SNX2: variants seen among roughly 807,000 people sequenced by gnomAD.
SNX2 encodes sorting nexin-2.
SNX2 carries 25 observed loss-of-function variants against 69.9 expected under a neutral mutation model. The observed-to-expected ratio is 0.36, with a 90% confidence interval of 0.26 to 0.50. SNX2 has a LOEUF of 0.50. Ranked by LOEUF, SNX2 falls within the 20% of genes least tolerant of loss-of-function variation. The pLI is 0.97. For missense variants in SNX2, 551 were observed against 613.3 expected (o/e 0.90, Z 1.07); for synonymous variants, 229 against 200.4 (o/e 1.14, Z -1.20).
chr5:122,803,442 A>G, intron 5 of SNX2, 30 bp from the exon 6 acceptor site: 1 of 1,577,964 alleles, frequency 6.3e-7, no homozygotes, highest in Non-Finnish European at 8.6e-7. Context: ...TTGCTATTCA[A>G]AATTTGAAAC....
chr5:122,798,916 T>A (rs1477838101), intron 2 of SNX2, among the ~76,000 whole-genome samples: 1 of 152,176 alleles, frequency 6.6e-6, no homozygotes, highest in Admixed American at 6.6e-5. Context: ...GCCTGGGTAT[T>A]ATTTAAGTCT....
chr5:122,784,967 A>C (rs1753050603), intron 1 of SNX2, among the ~76,000 whole-genome samples: 1 of 152,204 alleles, frequency 6.6e-6, no homozygotes, highest in South Asian at 2.1e-4. Flanking sequence ...GAATTTATCC[A>C]TTCAGTCTCA....
At chr5:122,819,713 G>A (rs1316499421) in intron 11 of SNX2, among the ~76,000 whole-genome samples, 1 of 152,122 alleles carries the variant, frequency 6.6e-6, no homozygotes, top group Non-Finnish European at 1.5e-5. Context: ...TTTTGTTATG[G>A]ATATTAGTTA....
chr5:122,803,656 TA>T (rs1753564706), intron 6 of SNX2, 43 bp downstream of exon 6: 1 of 1,485,950 alleles, frequency 6.7e-7, no homozygotes, highest in Admixed American at 1.9e-5. Context: ...TTACTGTTAC[TA>T]GTTCAGTTTT....
In SNX2 at chr5:122,830,320, C is replaced by T. The variant is rs943548141; in HGVS notation, c.*672C>T. ...CAAAGAACATTTGACTCTTGATTGT[C>T]TTGGGTAAAGAAGAGAATAATTGTC... is the stretch of plus-strand genomic sequence containing the variant. On this transcript the variant is annotated 3_prime_UTR_variant, in exon 15 of 15. Coordinates refer to ENST00000379516, the MANE Select transcript of SNX2 (RefSeq NM_003100.4). Among the ~76,000 whole-genome samples, 2 of 152,072 alleles carry T rather than the reference C, an allele frequency of 1.3e-5. No homozygotes were observed. The highest frequency in any genetic ancestry group is 4.8e-5 in the African/African-American group (2 of 41,396).
At chr5:122,815,992 G>A in intron 8 of SNX2, 21 bp downstream of exon 8, 2 of 1,337,452 alleles carry the variant, frequency 1.5e-6, no homozygotes, top group East Asian at 2.3e-5. Flanking sequence ...TATATTAAAT[G>A]TTTGTATATG....
rs144586127 is a variant in SNX2, at chr5:122,826,036, T to G, written c.1213-14T>G. 295 of 1,609,252 alleles carry G rather than the reference T, an allele frequency of 1.8e-4. No homozygotes were observed. The African/African-American group carries it at 3.6e-3, about 20-fold the overall frequency. On this transcript the variant is annotated splice_polypyrimidine_tract_variant and intron_variant, in intron 11 of 14. Transcript: ENST00000379516. ...GTTACTCTTACTTAATAGCATTATGTCATTCACTTATAGGGTGTGTTTGAC... is the reference window on the plus strand; with the variant it reads ...GTTACTCTTACTTAATAGCATTATGGCATTCACTTATAGGGTGTGTTTGAC...
intron 7 of SNX2, among the ~76,000 whole-genome samples, chr5:122,810,131 C>G (rs1218246356): frequency 2.0e-5 from 3 of 150,358 alleles, no homozygotes; most frequent in African/African-American, 7.4e-5. Flanking sequence ...GAAACATGTG[C>G]TGTGTCCACT....
chr5:122,817,825 A>G (rs1042672767), intron 10 of SNX2, among the ~76,000 whole-genome samples: 5 of 152,144 alleles, frequency 3.3e-5, no homozygotes, highest in Admixed American at 1.3e-4. Flanking sequence ...TATTTCCTGT[A>G]AAACCCTTTG....
At chr5:122,821,781 A>G (rs1754031902) in intron 11 of SNX2, among the ~76,000 whole-genome samples, 1 of 152,050 alleles carries the variant, frequency 6.6e-6, no homozygotes, top group Non-Finnish European at 1.5e-5. Flanking sequence ...ATGGTTGTAT[A>G]GCATTCCATC....
In SNX2 at chr5:122,832,764, A is replaced by C. The variant is rs946461962; in HGVS notation, c.*3116A>C. The stretch of plus-strand genomic sequence containing the variant: ...CTCTTAATTTTAATGTCTTAAGGGA[A>C]TTATAGAGACTTCCATTATTCTGCC... On this transcript the variant is annotated 3_prime_UTR_variant, in exon 15 of 15. Coordinates refer to ENST00000379516, the MANE Select transcript of SNX2 (RefSeq NM_003100.4). The C allele has an allele frequency of 2.0e-5, 3 of 152,224 alleles. No homozygotes were observed. The highest frequency in any genetic ancestry group is 7.2e-5 in the African/African-American group (3 of 41,472). 9.4% of individuals were successfully genotyped at this position (152,224 alleles called of 1,614,324 possible). A position where few individuals can be genotyped will look rare whatever the true frequency, so the allele number is the denominator to read the frequency against.
At chr5:122,785,608 A>G (rs1561442442) in intron 1 of SNX2, among the ~76,000 whole-genome samples, 1 of 152,156 alleles carries the variant, frequency 6.6e-6, no homozygotes, top group Non-Finnish European at 1.5e-5. Flanking sequence ...ATTTAAAATA[A>G]TTTCTAGTTT....
rs781496329 is a variant in SNX2 at position 122,827,659 on chromosome 5, T to A, written c.1509+13T>A. ...AACACAACAACAGGTAAGCCATTTT[T>A]GTTTATAACTTAAACTTCTAGAATT... On this transcript the variant is annotated intron_variant, in intron 14 of 14. Coordinates refer to ENST00000379516, the MANE Select transcript of SNX2 (RefSeq NM_003100.4). The A allele has an allele frequency of 6.3e-7, 1 of 1,583,604 alleles. No homozygotes were observed. The highest frequency in any genetic ancestry group is 8.7e-7 in the Non-Finnish European group (1 of 1,155,930).
intron 1 of SNX2, among the ~76,000 whole-genome samples, chr5:122,787,843 A>G (rs1581625699): frequency 6.6e-6 from 1 of 152,258 alleles, no homozygotes; most frequent in Non-Finnish European, 1.5e-5. Context: ...AGTTATGATA[A>G]GAATACATTA....
At chr5:122,820,247 A>G (rs1753990592) in intron 11 of SNX2, among the ~76,000 whole-genome samples, 1 of 152,138 alleles carries the variant, frequency 6.6e-6, no homozygotes, top group South Asian at 2.1e-4. Context: ...CTGTAAGAAT[A>G]CATATCTGGG....
At chr5:122,789,734 CTGT>C (rs1753184769) in intron 1 of SNX2, among the ~76,000 whole-genome samples, 1 of 152,234 alleles carries the variant, frequency 6.6e-6, no homozygotes, top group Admixed American at 6.5e-5. Flanking sequence ...TTAGCTGTCT[CTGT>C]CTCTATACCA....
chr5:122,786,293 G>A (rs1261154447), intron 1 of SNX2, among the ~76,000 whole-genome samples: 3 of 151,924 alleles, frequency 2.0e-5, no homozygotes, highest in African/African-American at 7.3e-5. Flanking sequence ...TTTATATCCA[G>A]TCTAGCCATC....
chr5:122,827,826 T>C (rs1400258459), intron 14 of SNX2, 180 bp downstream of exon 14: 2 of 558,842 alleles, frequency 3.6e-6, no homozygotes, highest in Non-Finnish European at 6.3e-6. Flanking sequence ...CACGTGTTTT[T>C]TTTTTTTTTG....
rs990342184 is a variant in SNX2 at position 122,830,065 on chromosome 5, T to C, written c.*417T>C. The C allele has an allele frequency of 1.3e-5, 2 of 155,648 alleles. No individual in the cohort carries two copies. Among genetic ancestry groups the C allele is most frequent in the African/African-American group, 4.8e-5 (2 of 41,546 alleles). The allele number at this position is 155,648 out of a possible 1,614,324, so 9.6% of individuals were successfully genotyped here. ...CACTTATACATTCCTGTACAGAAAT[T>C]ACGATTTTGTGATTACAGTAATAAA... On this transcript the variant is annotated 3_prime_UTR_variant, in exon 15 of 15. Coordinates refer to ENST00000379516, the MANE Select transcript of SNX2 (RefSeq NM_003100.4).
Sources: allele counts gnomAD v4.1 joint callset (sites outside exome capture counted in the v4.1 genomes callset), GRCh38; gene constraint gnomAD v4.1.1; transcripts MANE v1.5; gene names NCBI Gene and HGNC (gene_info 2026-07-23, HGNC 2026-07-21).